The following SOX5 variants were observed in gnomAD, a reference collection of about 807,000 sequenced individuals.
SOX5 encodes transcription factor SOX-5.
SOX5 carries 9 observed loss-of-function variants against 92.0 expected under a neutral mutation model. That is an observed-to-expected ratio of 0.10 (90% CI 0.06 to 0.17). SOX5 has a LOEUF of 0.17. SOX5 is among the 10% of genes least tolerant of loss of function. SOX5 has a pLI of 1.00. For missense variants in SOX5, 642 were observed against 944.5 expected, an observed-to-expected ratio of 0.68 and a Z score of 4.20; for synonymous variants, 344 against 336.3, an observed-to-expected ratio of 1.02 and a Z score of -0.25.
intron 2 of SOX5, among the ~76,000 whole-genome samples, chr12:24,367,476 C>T (rs1956288908): frequency 6.6e-6 from 1 of 152,130 alleles, no homozygotes; most frequent in Non-Finnish European, 1.5e-5. Context: ...TGGGCATCAG[C>T]ATGGGAACAA....
chr12:24,202,712 T>C (rs898318427), intron 4 of SOX5, among the ~76,000 whole-genome samples: 1 of 152,210 alleles, frequency 6.6e-6, no homozygotes, highest in Non-Finnish European at 1.5e-5. Context: ...TTGTCTGATA[T>C]TTCTTCGTGA....
intron 1 of SOX5, among the ~76,000 whole-genome samples, chr12:24,412,203 T>G (rs1335538437): frequency 6.6e-6 from 1 of 152,186 alleles, no homozygotes; most frequent in Non-Finnish European, 1.5e-5. Flanking sequence ...TCTGTTAGTC[T>G]TACTAGAAAT....
chr12:24,285,033 G>A (rs1359397636), intron 2 of SOX5, among the ~76,000 whole-genome samples: 1 of 152,090 alleles, frequency 6.6e-6, no homozygotes, highest in Non-Finnish European at 1.5e-5. Context: ...GCTGAGGCAG[G>A]AGAATCGCTT....
chr12:23,882,908 G>C (rs1227658723), intron 2 of SOX5, among the ~76,000 whole-genome samples: 1 of 152,130 alleles, frequency 6.6e-6, no homozygotes, highest in African/African-American at 2.4e-5. Context: ...TAGGGCGGGC[G>C]TGGTGGCTCA....
intron 3 of SOX5, among the ~76,000 whole-genome samples, chr12:23,762,010 T>G (rs888991095): frequency 6.6e-6 from 1 of 152,142 alleles, no homozygotes; most frequent in Non-Finnish European, 1.5e-5. Context: ...AGGGGAAGAT[T>G]GAGCTAAATC....
At chr12:23,934,394 T>C (rs1455427381) in intron 1 of SOX5, among the ~76,000 whole-genome samples, 1 of 150,034 alleles carries the variant, frequency 6.7e-6, no homozygotes, top group African/African-American at 2.4e-5. Context: ...ATATTATACA[T>C]ATGTATATGT....
intron 1 of SOX5, among the ~76,000 whole-genome samples, chr12:24,390,279 C>T (rs1181040433): frequency 6.6e-6 from 1 of 152,160 alleles, no homozygotes; most frequent in Non-Finnish European, 1.5e-5. Context: ...TGGTTATGAA[C>T]ACTATCTTCT....
At chr12:23,754,127 C>T (rs1483886421) in intron 4 of SOX5, among the ~76,000 whole-genome samples, 3 of 151,944 alleles carry the variant, frequency 2.0e-5, no homozygotes. Context: ...CCAAGGCAAG[C>T]CTGAAAGGGA....
At chr12:24,293,014 T>C (rs1339717778) in intron 2 of SOX5, among the ~76,000 whole-genome samples, 1 of 152,180 alleles carries the variant, frequency 6.6e-6, no homozygotes, top group Non-Finnish European at 1.5e-5. Context: ...GTGACTATAA[T>C]GTAGACCCAA....
At chr12:23,752,370 G>A (rs1021181805) in intron 4 of SOX5, among the ~76,000 whole-genome samples, 11 of 151,820 alleles carry the variant, frequency 7.2e-5, no homozygotes, top group African/African-American at 1.4e-4. Context: ...CTTTTATCAA[G>A]ATAAAAACAA....
rs963330543 is a variant in SOX5 at position 24,042,687 on chromosome 12, T to G, written c.-1-146663A>C. Reference sequence around the variant, plus strand: ...GCACAAAAAATTACTTCCTTTTAACTGTTTTGGTCAAGATATTTTATTTCA... The same window carrying G: ...GCACAAAAAATTACTTCCTTTTAACGGTTTTGGTCAAGATATTTTATTTCA... On this transcript the variant is annotated intron_variant, in intron 4 of 4. Coordinates refer to the SOX5 transcript ENST00000446891. Among the ~76,000 whole-genome samples the G allele has an allele frequency of 2.0e-5, 3 of 152,258 alleles. No homozygotes were observed. In the East Asian group the frequency reaches 5.8e-4, roughly 29 times the overall value.
chr12:24,551,336 GC>G (rs760094383), intron 1 of SOX5, among the ~76,000 whole-genome samples: 1 of 8,012 alleles, frequency 1.2e-4, no homozygotes, highest in East Asian at 3.4e-3. Context: ...ATAAAGCACT[GC>G]TTGGTGACAG....
At chr12:24,401,283 C>T (rs1961503456) in intron 1 of SOX5, among the ~76,000 whole-genome samples, 2 of 148,078 alleles carry the variant, frequency 1.4e-5, no homozygotes, top group African/African-American at 5.0e-5. Flanking sequence ...ACCTGGGAGG[C>T]AGAGGTTGCA....
intron 1 of SOX5, among the ~76,000 whole-genome samples, chr12:24,542,330 A>G (rs780186653): frequency 1.3e-5 from 2 of 152,208 alleles, no homozygotes; most frequent in Non-Finnish European, 2.9e-5. Flanking sequence ...CATAGCCCAA[A>G]TGGCTCTTCC....
intron 1 of SOX5, among the ~76,000 whole-genome samples, chr12:24,487,891 A>C (rs1281314120): frequency 6.6e-6 from 1 of 152,092 alleles, no homozygotes; most frequent in Non-Finnish European, 1.5e-5. Context: ...AGAATTTTAG[A>C]GTTCAGACAA....
rs1591960580 is a variant in SOX5, at chr12:23,548,645, T to C, written c.1489-2221A>G. Among the ~76,000 whole-genome samples, 5 of 151,912 alleles carry C rather than the reference T, an allele frequency of 3.3e-5. No individual in the cohort carries two copies. The South Asian group carries it at 1.0e-3, about 31-fold the overall frequency. On this transcript the variant is annotated intron_variant, in intron 11 of 14. Coordinates refer to ENST00000451604, the MANE Select transcript of SOX5 (RefSeq NM_006940.6). The stretch of plus-strand genomic sequence containing the variant: ...AATCAAAAGGATAACGTTGCCACAT[T>C]TTTTTTAAAAAAAGTGTGGACAATA...
chr12:24,132,070 T>A (rs1383408349), intron 4 of SOX5, among the ~76,000 whole-genome samples: 1 of 152,160 alleles, frequency 6.6e-6, no homozygotes, highest in Non-Finnish European at 1.5e-5. Flanking sequence ...CATTCCAGGC[T>A]CTCTTCAATC....
At chr12:23,843,100 CATT>C (rs931809760) in intron 3 of SOX5, among the ~76,000 whole-genome samples, 1 of 152,152 alleles carries the variant, frequency 6.6e-6, no homozygotes, top group Admixed American at 6.5e-5. Context: ...TTGAGACAAA[CATT>C]AGACAAATTC....
chr12:24,038,887 G>C (rs1419076226), intron 4 of SOX5, among the ~76,000 whole-genome samples: 1 of 152,086 alleles, frequency 6.6e-6, no homozygotes, highest in Non-Finnish European at 1.5e-5. Context: ...CCAAGTTACA[G>C]AATTCTCTGT....
Sources: allele counts gnomAD v4.1 joint callset (sites outside exome capture counted in the v4.1 genomes callset), GRCh38; gene constraint gnomAD v4.1.1; transcripts MANE v1.5; gene names NCBI Gene and HGNC (gene_info 2026-07-23, HGNC 2026-07-21).